Variants in NR5A2 observed in about 807,000 individuals in gnomAD.
NR5A2 encodes the protein CYP7A promoter-binding factor.
A neutral mutation model predicts 62.7 loss-of-function variants in NR5A2; 26 were observed. The observed-to-expected ratio is 0.41, with a 90% confidence interval of 0.30 to 0.58. NR5A2 has a LOEUF of 0.58. NR5A2 is among the 20% of genes least tolerant of loss of function. NR5A2 has a pLI of 0.22. For missense variants in NR5A2, 541 were observed against 669.1 expected (o/e 0.81, Z 2.11); for synonymous variants, 246 against 241.7 (o/e 1.02, Z -0.16).
chr1:200,048,092 T>C lies in NR5A2; in HGVS notation c.464-80T>C. 1 of 1,334,706 alleles carries C rather than the reference T, an allele frequency of 7.5e-7. No homozygotes were observed. The highest frequency in any genetic ancestry group is 2.5e-4 in the Middle Eastern group (1 of 4,062). 82.7% of individuals were successfully genotyped at this position (1,334,706 alleles called of 1,614,324 possible). ...ACATACCACTTCTTGTCGATTTACATTTCTAAATATCTGAAGAATGCTAAT... is the reference window on the plus strand; with the variant it reads ...ACATACCACTTCTTGTCGATTTACACTTCTAAATATCTGAAGAATGCTAAT... On this transcript the variant is annotated intron_variant, in intron 4 of 7. Coordinates refer to ENST00000367362, the MANE Select transcript of NR5A2 (RefSeq NM_205860.3). The surrounding 1 kb of genome is among the most constrained non-coding windows in gnomAD (Gnocchi z 4.8).
intron 5 of NR5A2, among the ~76,000 whole-genome samples, chr1:200,083,010 A>T (rs1260538681): frequency 6.6e-6 from 1 of 152,122 alleles, no homozygotes; most frequent in Non-Finnish European, 1.5e-5. Flanking sequence ...TCTGATTTTT[A>T]AAAATCATAA....
chr1:200,112,736 T>A (rs994847341), intron 6 of NR5A2, among the ~76,000 whole-genome samples: 2 of 152,172 alleles, frequency 1.3e-5, no homozygotes, highest in African/African-American at 4.8e-5. Context: ...GCTTTCAAAT[T>A]TTTTTTGGCA....
intron 2 of NR5A2, chr1:200,042,729 C>G: frequency 1.1e-6 from 1 of 889,488 alleles, no homozygotes; most frequent in South Asian, 5.2e-5. Context: ...CACCCGCGCC[C>G]CGCGCTCCCA....
At chr1:200,168,651 T>C (rs1654026874) in intron 7 of NR5A2, among the ~76,000 whole-genome samples, 2 of 152,178 alleles carry the variant, frequency 1.3e-5, no homozygotes, top group African/African-American at 4.8e-5. Flanking sequence ...GAGTTTCAGA[T>C]ATTGCTGGAA....
At chr1:200,117,381 C>G (rs1455021930) in intron 6 of NR5A2, among the ~76,000 whole-genome samples, 3 of 152,112 alleles carry the variant, frequency 2.0e-5, no homozygotes, top group Admixed American at 6.5e-5. Flanking sequence ...TTCTAAGCCC[C>G]CATTTAATAA....
intron 6 of NR5A2, among the ~76,000 whole-genome samples, chr1:200,118,954 T>A (rs1177821620): frequency 6.6e-6 from 1 of 152,234 alleles, no homozygotes; most frequent in Non-Finnish European, 1.5e-5. Context: ...CAACACTTGA[T>A]GTTTAAATTT....
At chr1:200,027,935 T>A (rs1661404125) in intron 1 of NR5A2, 24 bp downstream of exon 1, 1 of 1,518,394 alleles carries the variant, frequency 6.6e-7, no homozygotes, top group Non-Finnish European at 9.0e-7. Flanking sequence ...TCTCTATTGA[T>A]CATCTATTTA....
Position 200,174,097 on chromosome 1 carries a change from G to A in NR5A2, c.1513G>A (p.Glu505Lys), listed in dbSNP as rs1050922837. Residue 505 changes from glutamate to lysine, a missense_variant, in exon 8 of 8, where the codon GAA becomes AAA. Coordinates refer to ENST00000367362, the MANE Select transcript of NR5A2 (RefSeq NM_205860.3). ...TGGACAGCTACTTCTTCGACTACCCGAAATCCGGGCCATCAGTATGCAGGC... is the reference window on the plus strand; with the variant it reads ...TGGACAGCTACTTCTTCGACTACCCAAAATCCGGGCCATCAGTATGCAGGC... ...KFGQLLLRLP[E>K]IRAISMQAEE... The A allele has an allele frequency of 1.9e-6, 3 of 1,613,798 alleles. No individual in the cohort carries two copies. The highest frequency in any genetic ancestry group is 1.7e-4 in the Middle Eastern group (1 of 6,060).
At chr1:200,168,847 T>C (rs559613532) in intron 7 of NR5A2, among the ~76,000 whole-genome samples, 4 of 152,346 alleles carry the variant, frequency 2.6e-5, no homozygotes, top group African/African-American at 9.6e-5. Context: ...ATTTAGCCCT[T>C]TAAAAAATAA....
intron 7 of NR5A2, among the ~76,000 whole-genome samples, chr1:200,173,706 T>A (rs1249141152): frequency 6.6e-6 from 1 of 152,192 alleles, no homozygotes; most frequent in Non-Finnish European, 1.5e-5. Context: ...ATGAAAAGAG[T>A]TGACCTTGCT....
At chr1:200,087,596 C>T (rs890074132) in intron 5 of NR5A2, among the ~76,000 whole-genome samples, 4 of 151,492 alleles carry the variant, frequency 2.6e-5, no homozygotes, top group East Asian at 2.0e-4. Flanking sequence ...AGAGTTTCAC[C>T]GTGTTAGCTA....
intron 5 of NR5A2, among the ~76,000 whole-genome samples, chr1:200,105,953 G>A (rs1665637811): frequency 6.6e-6 from 1 of 151,800 alleles, no homozygotes; most frequent in African/African-American, 2.4e-5. Flanking sequence ...TCACTTGCTG[G>A]ACTATTAAAA....
In NR5A2 at chr1:200,073,310, ATAT is replaced by A. The variant is rs1663837922; in HGVS notation, c.1110+24493_1110+24495del. The stretch of plus-strand genomic sequence containing the variant: ...TATATATTCCCCTTTATATATATAT[ATAT>A]ATTCCCCTTTATATATATATATATA... On this transcript the variant is annotated intron_variant, in intron 5 of 7. Coordinates refer to ENST00000367362, the MANE Select transcript of NR5A2 (RefSeq NM_205860.3). Among the ~76,000 whole-genome samples the A allele has an allele frequency of 3.2e-4, 38 of 118,170 alleles. No homozygotes were observed. The Admixed American group carries it at 3.3e-3, about 10-fold the overall frequency. 77.5% of individuals were successfully genotyped at this position (118,170 alleles called of 152,430 possible).
chr1:200,032,998 C>A (rs3762399), intron 1 of NR5A2, among the ~76,000 whole-genome samples: 18,931 of 152,190 alleles, frequency 0.12, 1,727 homozygotes, highest in African/African-American at 0.26. Flanking sequence ...CATTTCCATT[C>A]CACGGTAGAA....
At chr1:200,135,129 G>A (rs963215019) in intron 7 of NR5A2, among the ~76,000 whole-genome samples, 109 of 152,326 alleles carry the variant, frequency 7.2e-4, no homozygotes, top group African/African-American at 2.3e-3. Context: ...ACACAGCTAG[G>A]CATCTGAGAG....
At chr1:200,155,957 G>A (rs936225396) in intron 7 of NR5A2, among the ~76,000 whole-genome samples, 5 of 152,140 alleles carry the variant, frequency 3.3e-5, no homozygotes, top group African/African-American at 1.2e-4. Flanking sequence ...ACAGAGGTGA[G>A]CCACCGCGCC....
At chr1:200,058,987 A>G (rs888404003) in intron 5 of NR5A2, among the ~76,000 whole-genome samples, 3 of 151,650 alleles carry the variant, frequency 2.0e-5, no homozygotes, top group Non-Finnish European at 4.4e-5. Context: ...GCACTTGCCT[A>G]TAATCCCAGC....
intron 5 of NR5A2, among the ~76,000 whole-genome samples, chr1:200,072,723 T>C (rs551249048): frequency 6.6e-6 from 1 of 152,270 alleles, no homozygotes; most frequent in Admixed American, 6.5e-5. Flanking sequence ...ATGAATAAAG[T>C]GTGCACAGAG....
chr1:200,173,955 T>A lies in NR5A2; in HGVS notation c.1379-8T>A, dbSNP rs767112866. The A allele has an allele frequency of 3.3e-5, 45 of 1,344,324 alleles. No homozygotes were observed. In the South Asian group the frequency reaches 3.4e-4, roughly 10 times the overall value. The allele number at this position is 1,344,324 out of a possible 1,614,324, so 83.3% of individuals were successfully genotyped here. ...ATGTTGCTTTTTTTTTTTTTTTTTT[T>A]AATGCAGATGTCAAAAACCTTGAAA... On this transcript the variant is annotated splice_polypyrimidine_tract_variant and splice_region_variant and intron_variant, in intron 7 of 7. Coordinates refer to ENST00000367362, the MANE Select transcript of NR5A2 (RefSeq NM_205860.3).
Sources: gnomAD v4.1 joint callset for allele counts (sites outside exome capture counted in the v4.1 genomes callset) on GRCh38, gnomAD v4.1.1 for gene constraint, Gnocchi (gnomAD v3.1) non-coding constraint, MANE v1.5 for transcripts, NCBI Gene and HGNC (gene_info 2026-07-23, HGNC 2026-07-21) for gene names.